The following UPF3B variants were observed in gnomAD, a reference collection of about 807,000 sequenced individuals.
UPF3B encodes regulator of nonsense transcripts 3B.
A neutral mutation model predicts 40.3 loss-of-function variants in UPF3B; 7 were observed. The observed-to-expected ratio is 0.17, with a 90% confidence interval of 0.10 to 0.33. UPF3B has a LOEUF of 0.33. Among genes scored for constraint, UPF3B ranks in the 10% least tolerant of loss-of-function variants. UPF3B has a pLI of 1.00. For missense variants in UPF3B, 229 were observed against 358.9 expected (o/e 0.64, Z 2.93); for synonymous variants, 117 against 117.3 (o/e 1.00, Z 0.01).
intron 10 of UPF3B, among the ~76,000 whole-genome samples, chrX:119,835,243 A>AT (rs1327852578): frequency 4.5e-5 from 5 of 110,464 alleles, no homozygotes; most frequent in African/African-American, 9.9e-5. Flanking sequence ...GCTTGGGTAA[A>AT]TTTTTTTTTG....
intron 10 of UPF3B, among the ~76,000 whole-genome samples, chrX:119,837,097 C>T (rs1223079034): frequency 9.3e-6 from 1 of 107,416 alleles, no homozygotes; most frequent in Non-Finnish European, 1.9e-5. Flanking sequence ...GTGTGCGCCA[C>T]CACATCCAGC....
chrX:119,807,527 A>G (rs2055802501), exon 6 of UPF3B: 1 of 865,547 alleles, frequency 1.2e-6, no homozygotes, highest in Admixed American at 4.1e-5. Context: ...TCTTGCCACC[A>G]GAATCGACCT....
At position 119,840,679 on chromosome X, in the gene UPF3B, G is replaced by C; in HGVS notation, c.813C>G (p.His271Gln). 1.7e-6 allele frequency: 2 copies of C among 1,208,432 alleles called. No individual in the cohort carries two copies. Among genetic ancestry groups the C allele is most frequent in the Non-Finnish European group, 2.2e-6 (2 of 893,472 alleles). ...KLKDEPKIKV[H>Q]RFLLQAVNQK... ...GATTCACAGCTTGTAACAGAAACCT[G>C]TGTACCTGAAGACAGTGGAAAACAA... The change falls in exon 8 of 11, where the codon CAC (histidine) becomes CAG (glutamine). Residue 271 changes from histidine to glutamine, a missense_variant. This residue lies in a region of UPF3B where 87 missense variants were observed against 184.2 expected (regional missense o/e 0.47). Coordinates refer to ENST00000276201, the MANE Select transcript of UPF3B (RefSeq NM_080632.3).
At chrX:119,852,445 C>T (rs1435498654) in intron 1 of UPF3B, among the ~76,000 whole-genome samples, 1 of 111,899 alleles carries the variant, frequency 8.9e-6, no homozygotes, top group Non-Finnish European at 1.9e-5. Context: ...CTCATGTCTC[C>T]TTCACTATTT....
At position 119,852,941 on chromosome X, in the gene UPF3B, C is replaced by T. The variant is rs185511642; in HGVS notation, c.-13G>A. On this transcript the variant is annotated 5_prime_UTR_variant, in exon 1 of 11. Coordinates refer to ENST00000276201, the MANE Select transcript of UPF3B (RefSeq NM_080632.3). ...TCTCTTCCTTCATGGCTACGTCCCC[C>T]GCTGAAGCGGCTTGGCCGGAACGGG... 4.1e-6 allele frequency: 5 copies of T among 1,211,024 alleles called. No individual in the cohort carries two copies. In the African/African-American group the frequency reaches 8.7e-5, roughly 21 times the overall value.
At chrX:119,843,972 A>G (rs940169604) in intron 4 of UPF3B, among the ~76,000 whole-genome samples, 22 of 112,448 alleles carry the variant, frequency 2.0e-4, no homozygotes, top group African/African-American at 7.1e-4. Flanking sequence ...CTAACATAAC[A>G]TTACAGAGGT....
At chrX:119,833,931 G>GA (rs761345967), downstream of UPF3B, 25 of 591,290 alleles carry the variant, frequency 4.2e-5, no homozygotes, top group Non-Finnish European at 5.1e-5. Flanking sequence ...AGCTCCCTTA[G>GA]GCTTCACTAG....
chrX:119,814,409 G>A (rs763134588), intron 5 of UPF3B, among the ~76,000 whole-genome samples: 1 of 112,397 alleles, frequency 8.9e-6, no homozygotes, highest in African/African-American at 3.2e-5. Context: ...TATTGGATAC[G>A]GAAGTAACAT....
chrX:119,814,181 G>C (rs1292875843), intron 5 of UPF3B, among the ~76,000 whole-genome samples: 1 of 111,652 alleles, frequency 9.0e-6, no homozygotes, highest in Non-Finnish European at 1.9e-5. Context: ...CTATTTAACA[G>C]GAATAGACAT....
At chrX:119,838,217 G>T (rs2056122911) in intron 9 of UPF3B, 150 bp downstream of exon 9, 2 of 905,037 alleles carry the variant, frequency 2.2e-6, no homozygotes, top group African/African-American at 1.9e-5. Flanking sequence ...CATTCACCCA[G>T]ATTAAGATAC....
chrX:119,812,679 G>T (rs1052567255), intron 5 of UPF3B, among the ~76,000 whole-genome samples: 2 of 111,441 alleles, frequency 1.8e-5, no homozygotes, highest in Admixed American at 9.6e-5. Flanking sequence ...TGTAATGTTA[G>T]TTTTTCGAGG....
intron 3 of UPF3B, among the ~76,000 whole-genome samples, chrX:119,850,633 G>A (rs2056291333): frequency 8.9e-6 from 1 of 112,762 alleles, no homozygotes; most frequent in Admixed American, 9.4e-5. Context: ...TGGCAGCTTA[G>A]ATATTCTCTG....
intron 3 of UPF3B, among the ~76,000 whole-genome samples, chrX:119,849,859 T>A (rs2056279487): frequency 9.0e-6 from 1 of 110,888 alleles, no homozygotes; most frequent in Admixed American, 9.7e-5. Context: ...TGTTTAAGGC[T>A]AGGTGAACAA....
intron 3 of UPF3B, among the ~76,000 whole-genome samples, chrX:119,828,479 C>A (rs1273703214): frequency 2.7e-5 from 3 of 111,069 alleles, no homozygotes; most frequent in Non-Finnish European, 5.7e-5. Context: ...TGAGACCAGC[C>A]TGGGCAACAT....
At chrX:119,843,448 A>G (rs1324782108) in intron 4 of UPF3B, 147 bp from the exon 5 acceptor site, 10 of 441,541 alleles carry the variant, frequency 2.3e-5, no homozygotes, top group Non-Finnish European at 3.9e-5. Flanking sequence ...AAGGTAGACT[A>G]TTTAGAGCTT....
intron 6 of UPF3B, among the ~76,000 whole-genome samples, 153 bp from the exon 7 acceptor site, chrX:119,841,411 G>GA (rs2056159961): frequency 9.0e-6 from 1 of 111,618 alleles, no homozygotes; most frequent in Non-Finnish European, 1.9e-5. Context: ...ACTCCACCCA[G>GA]AAAACGAAAG....
At chrX:119,811,188 G>A (rs995312332) in intron 5 of UPF3B, among the ~76,000 whole-genome samples, 1 of 110,356 alleles carries the variant, frequency 9.1e-6, no homozygotes, top group East Asian at 2.9e-4. Context: ...ACAGGTACGC[G>A]ACACAACACA....
At chrX:119,835,617 A>G (rs2056082750) in intron 10 of UPF3B, among the ~76,000 whole-genome samples, 1 of 112,275 alleles carries the variant, frequency 8.9e-6, no homozygotes, top group Non-Finnish European at 1.9e-5. Context: ...CCAATTCAGA[A>G]CAGGAAAAGC....
At chrX:119,832,237 G>A (rs2056044424), downstream of UPF3B, among the ~76,000 whole-genome samples, 1 of 111,753 alleles carries the variant, frequency 8.9e-6, no homozygotes, top group African/African-American at 3.2e-5. Flanking sequence ...AGGATTACCT[G>A]TATGAGCCAT....
Sources: allele counts gnomAD v4.1 joint callset (sites outside exome capture counted in the v4.1 genomes callset), GRCh38; gene constraint gnomAD v4.1.1; regional missense constraint gnomAD v4.1.1; transcripts MANE v1.5; gene names NCBI Gene and HGNC (gene_info 2026-07-23, HGNC 2026-07-21).